The following MANBA variants were observed in gnomAD, a reference collection of about 807,000 sequenced individuals.
MANBA encodes the protein mannosidase beta, also known as beta-mannosidase.
MANBA carries 83 observed loss-of-function variants against 111.1 expected under a neutral mutation model. That is an observed-to-expected ratio of 0.75 (90% CI 0.63 to 0.90). The LOEUF is 0.90. Ranked by LOEUF, MANBA falls within the 40% of genes least tolerant of loss-of-function variation. The pLI is 0.00. For missense variants in MANBA, 1,036 were observed against 1,069.0 expected (o/e 0.97, Z 0.43); for synonymous variants, 370 against 378.7 (o/e 0.98, Z 0.27).
At position 102,693,454 on chromosome 4, in the gene MANBA, G is replaced by A. The variant is rs116799922; in HGVS notation, c.674-2683C>T. ...TAAGAAGAGGAAGAAACAGATATCC[G>A]TCTCTCTCTCTACTATGTGAGGACA... On this transcript the variant is annotated intron_variant, in intron 5 of 16. Transcript: ENST00000647097. 5.0e-3 allele frequency among the ~76,000 whole-genome samples: 768 copies of A among 152,178 alleles called. 10 individuals carry two copies. Among genetic ancestry groups the A allele is most frequent in the African/African-American group, 0.018 (740 of 41,524 alleles).
chr4:102,743,375 G>C lies in MANBA; in HGVS notation c.178-16692C>G, dbSNP rs758621211. ...TGCACTGCTTGAAGTCCCACCCACT[G>C]AGAAGATTTCCCTTCACTGCTATCC... On this transcript the variant is annotated intron_variant, in intron 1 of 16. Coordinates refer to ENST00000647097, the MANE Select transcript of MANBA (RefSeq NM_005908.4). 6.2e-4 allele frequency among the ~76,000 whole-genome samples: 95 copies of C among 152,308 alleles called. 1 individual carries two copies. The highest frequency in any genetic ancestry group is 2.2e-3 in the African/African-American group (92 of 41,570).
intron 7 of MANBA, among the ~76,000 whole-genome samples, chr4:102,678,481 A>G (rs1376267399): frequency 6.7e-6 from 1 of 150,160 alleles, no homozygotes; most frequent in Non-Finnish European, 1.5e-5. Flanking sequence ...ATTTGCATCC[A>G]AAGTAAATAT....
chr4:102,729,744 T>C (rs1288436011), intron 1 of MANBA: 65 of 1,349,076 alleles, frequency 4.8e-5, no homozygotes, highest in Non-Finnish European at 6.4e-5. Context: ...GTTGTTGATG[T>C]AGCTCTGGAA....
intron 4 of MANBA, among the ~76,000 whole-genome samples, chr4:102,719,745 C>T (rs10489108): frequency 0.058 from 8,814 of 152,274 alleles, 747 homozygotes; most frequent in African/African-American, 0.19. Context: ...GTACAAATGA[C>T]GGGCATACCT....
chr4:102,670,704 T>G (rs1430202537), intron 9 of MANBA, among the ~76,000 whole-genome samples: 1 of 151,892 alleles, frequency 6.6e-6, no homozygotes, highest in African/African-American at 2.4e-5. Context: ...ATTAGCTGGA[T>G]GCTAATTTAC....
chr4:102,683,731 A>C (rs1732082247), intron 7 of MANBA, among the ~76,000 whole-genome samples: 1 of 152,238 alleles, frequency 6.6e-6, no homozygotes, highest in African/African-American at 2.4e-5. Flanking sequence ...AAACTGATAA[A>C]GCTAACTCTC....
Position 102,760,830 on chromosome 4 carries a change from CTG to C in MANBA, c.63_64del (p.Ser22LeufsTer44). 6.4e-7 allele frequency: 1 copy of C among 1,569,246 alleles called. No individual in the cohort carries two copies. The highest frequency in any genetic ancestry group is 8.6e-7 in the Non-Finnish European group (1 of 1,157,518). On this transcript the variant is annotated frameshift_variant, in exon 1 of 17. Coordinates refer to ENST00000647097, the MANE Select transcript of MANBA (RefSeq NM_005908.4). LOFTEE classifies it high-confidence loss of function. ...GCTCCAGTTGCCACGCAAGCTGTAA[CTG>C]AGCTCCGCGGCGGTGGTGCCTGCAC...
chr4:102,708,144 C>T (rs1560787887), intron 5 of MANBA, among the ~76,000 whole-genome samples: 1 of 152,112 alleles, frequency 6.6e-6, no homozygotes, highest in African/African-American at 2.4e-5. Flanking sequence ...TTAAGCTGTA[C>T]TTTAGACCAA....
chr4:102,676,418 A>T (rs1731731672), intron 7 of MANBA, among the ~76,000 whole-genome samples: 1 of 152,082 alleles, frequency 6.6e-6, no homozygotes, highest in African/African-American at 2.4e-5. Context: ...CCCTGGCTGG[A>T]GAAGCACACA....
intron 12 of MANBA, among the ~76,000 whole-genome samples, chr4:102,654,757 G>A (rs1263107668): frequency 6.6e-6 from 1 of 152,080 alleles, no homozygotes; most frequent in Non-Finnish European, 1.5e-5. Flanking sequence ...TCATTGAAAT[G>A]TACTCCCTAA....
chr4:102,729,988 C>T (rs1722968743), intron 1 of MANBA: 1 of 893,702 alleles, frequency 1.1e-6, no homozygotes, highest in Non-Finnish European at 1.9e-6. Flanking sequence ...GTGGTGATGC[C>T]ACCCACGCTG....
At chr4:102,648,029 A>G (rs540178696) in intron 13 of MANBA, among the ~76,000 whole-genome samples, 11 of 152,244 alleles carry the variant, frequency 7.2e-5, no homozygotes, top group African/African-American at 2.6e-4. Flanking sequence ...CCTCCTCTCT[A>G]AGAACTTTAA....
At chr4:102,754,291 A>T (rs1404742043) in intron 1 of MANBA, among the ~76,000 whole-genome samples, 3 of 152,150 alleles carry the variant, frequency 2.0e-5, no homozygotes, top group African/African-American at 4.8e-5. Context: ...ATATCCTATG[A>T]ATCAGCTATT....
chr4:102,700,642 G>T (rs1291145211), intron 5 of MANBA, among the ~76,000 whole-genome samples: 4 of 152,158 alleles, frequency 2.6e-5, no homozygotes, highest in Non-Finnish European at 5.9e-5. Context: ...GGAGCAGGTT[G>T]TTCAGTTTCC....
At chr4:102,635,189 A>G (rs1729567616) in intron 15 of MANBA, 144 bp from the exon 16 acceptor site, 5 of 809,808 alleles carry the variant, frequency 6.2e-6, no homozygotes, top group Admixed American at 2.3e-5. Context: ...CAGTCCTGCA[A>G]AATACTAGCT....
chr4:102,751,419 C>G (rs997146999), intron 1 of MANBA: 7 of 473,978 alleles, frequency 1.5e-5, no homozygotes, highest in African/African-American at 1.4e-4. Context: ...GCTCCAAACA[C>G]ATTTCTACAC....
intron 5 of MANBA, among the ~76,000 whole-genome samples, chr4:102,696,881 G>C (rs1732734653): frequency 6.6e-6 from 1 of 152,154 alleles, no homozygotes. Flanking sequence ...TCAAACATTA[G>C]ATATTTTCCG....
At chr4:102,657,308 AT>A (rs1730609391) in intron 12 of MANBA, among the ~76,000 whole-genome samples, 1 of 151,892 alleles carries the variant, frequency 6.6e-6, no homozygotes, top group African/African-American at 2.4e-5. Flanking sequence ...AGGTTTATTT[AT>A]CACATTTACC....
At chr4:102,660,103 A>G (rs1358053223) in intron 11 of MANBA, among the ~76,000 whole-genome samples, 1 of 152,208 alleles carries the variant, frequency 6.6e-6, no homozygotes, top group Non-Finnish European at 1.5e-5. Context: ...TCTTGCCAAC[A>G]TCGCAAATCC....
Sources: gnomAD v4.1 joint callset for allele counts (sites outside exome capture counted in the v4.1 genomes callset) on GRCh38, gnomAD v4.1.1 for gene constraint, MANE v1.5 for transcripts, NCBI Gene and HGNC (gene_info 2026-07-23, HGNC 2026-07-21) for gene names.